Variants in BAIAP2L1 observed in about 807,000 individuals in gnomAD.
The protein encoded by BAIAP2L1 is BAR/IMD domain containing adaptor protein 2 like 1.
Under a neutral mutation model 66.3 loss-of-function variants are expected in BAIAP2L1, and 35 were observed. That is an observed-to-expected ratio of 0.53 (90% confidence interval 0.40 to 0.70). The LOEUF is 0.70. Ranked by LOEUF, BAIAP2L1 falls within the 30% of genes least tolerant of loss-of-function variation. The pLI is 0.00. For missense variants in BAIAP2L1, 622 were observed against 656.9 expected (o/e 0.95, Z 0.58); for synonymous variants, 269 against 248.7 (o/e 1.08, Z -0.77).
chr7:98,293,552 G>T lies in BAIAP2L1; in HGVS notation c.1505C>A (p.Thr502Lys). The T allele has an allele frequency of 6.2e-7, 1 of 1,613,858 alleles. No individual in the cohort carries two copies. The highest frequency in any genetic ancestry group is 2.2e-5 in the East Asian group (1 of 44,878). Reference sequence around the variant, plus strand: ...AATGATGGGTGCCGAGCGATCATTCGTCACAGTCGGGCGGAGTTTCACAGT... The same window carrying T: ...AATGATGGGTGCCGAGCGATCATTCTTCACAGTCGGGCGGAGTTTCACAGT... Reference protein sequence around the residue: ...FATVKLRPTVTNDRSAPIIR With the variant: ...FATVKLRPTVKNDRSAPIIR Residue 502 changes from threonine to lysine, a missense_variant, in exon 14 of 14, where the codon ACG (threonine) becomes AAG (lysine). Physicochemically the swap from Thr to Lys is moderately conservative, Grantham distance 78. Coordinates refer to ENST00000005260, the MANE Select transcript of BAIAP2L1 (RefSeq NM_018842.5).
At chr7:98,315,320 G>T in intron 7 of BAIAP2L1, 140 bp downstream of exon 7, 3 of 674,884 alleles carry the variant, frequency 4.4e-6, no homozygotes, top group Non-Finnish European at 4.3e-6. Flanking sequence ...TAGAGACAGA[G>T]TTTTGCCATG....
intron 1 of BAIAP2L1, among the ~76,000 whole-genome samples, chr7:98,372,166 G>A (rs1383482776): frequency 1.3e-5 from 2 of 151,956 alleles, no homozygotes; most frequent in African/African-American, 4.8e-5. Flanking sequence ...CAGCACTTTG[G>A]GAGGCAAGGC....
At chr7:98,333,148 C>T (rs1157406404) in intron 3 of BAIAP2L1, among the ~76,000 whole-genome samples, 1 of 152,184 alleles carries the variant, frequency 6.6e-6, no homozygotes, top group Non-Finnish European at 1.5e-5. Context: ...CCTTCTATCA[C>T]TCAGTGGCCC....
chr7:98,335,888 T>C (rs1172187809), intron 3 of BAIAP2L1, among the ~76,000 whole-genome samples: 6 of 152,202 alleles, frequency 3.9e-5, no homozygotes, highest in Non-Finnish European at 8.8e-5. Flanking sequence ...GGCCATTTTT[T>C]ATACTGAACC....
intron 3 of BAIAP2L1, among the ~76,000 whole-genome samples, chr7:98,328,330 G>A (rs1341827519): frequency 6.6e-6 from 1 of 152,120 alleles, no homozygotes; most frequent in Non-Finnish European, 1.5e-5. Context: ...CGAAGACGGG[G>A]CAAAGGTCAC....
intron 3 of BAIAP2L1, among the ~76,000 whole-genome samples, chr7:98,339,318 G>T (rs1374871810): frequency 1.3e-5 from 2 of 152,286 alleles, no homozygotes; most frequent in African/African-American, 4.8e-5. Flanking sequence ...TCTATTGGGT[G>T]TGCTGTAGCT....
At chr7:98,350,544 A>G (rs1801977838) in intron 3 of BAIAP2L1, among the ~76,000 whole-genome samples, 1 of 152,190 alleles carries the variant, frequency 6.6e-6, no homozygotes. Flanking sequence ...CTGTAGTCGC[A>G]GCTACTCAGG....
At chr7:98,368,424 C>G (rs944873166) in intron 1 of BAIAP2L1, among the ~76,000 whole-genome samples, 1 of 151,576 alleles carries the variant, frequency 6.6e-6, no homozygotes, top group African/African-American at 2.4e-5. Context: ...ATCTCAAAAA[C>G]AAAACAAAAC....
chr7:98,392,187 A>AC (rs71112151), intron 1 of BAIAP2L1, among the ~76,000 whole-genome samples: 1 of 139,942 alleles, frequency 7.1e-6, no homozygotes, highest in Non-Finnish European at 1.5e-5. Context: ...AAAAAAAAAA[A>AC]GTCTACCTTA....
At chr7:98,299,136 C>T (rs1800310299) in intron 12 of BAIAP2L1, among the ~76,000 whole-genome samples, 1 of 152,168 alleles carries the variant, frequency 6.6e-6, no homozygotes, top group Admixed American at 6.5e-5. Flanking sequence ...CTGCCTCAGC[C>T]TCCCGAGTAG....
intron 1 of BAIAP2L1, among the ~76,000 whole-genome samples, chr7:98,374,461 G>A (rs896487283): frequency 2.6e-5 from 4 of 152,116 alleles, no homozygotes; most frequent in South Asian, 2.1e-4. Context: ...TACCAGCAGC[G>A]AGAGGTGGGG....
chr7:98,293,870 C>A (rs142591357), intron 13 of BAIAP2L1, among the ~76,000 whole-genome samples: 3,617 of 152,344 alleles, frequency 0.024, 55 homozygotes, highest in South Asian at 0.051. Context: ...ACATGGGGGT[C>A]ACTCTGGGGT....
intron 12 of BAIAP2L1, among the ~76,000 whole-genome samples, chr7:98,297,199 C>T (rs956347042): frequency 7.2e-5 from 11 of 152,230 alleles, no homozygotes; most frequent in African/African-American, 1.2e-4. Flanking sequence ...CCCCATCTCC[C>T]GCAAGAATCC....
At chr7:98,343,204 C>T (rs932081553) in intron 3 of BAIAP2L1, among the ~76,000 whole-genome samples, 1 of 150,534 alleles carries the variant, frequency 6.6e-6, no homozygotes, top group African/African-American at 2.4e-5. Context: ...TCGAGACCAG[C>T]CTGGCCAACA....
rs753532181 is a variant in BAIAP2L1 at position 98,400,854 on chromosome 7, G to A, written c.-2C>T. 74 of 1,540,260 alleles carry A rather than the reference G, an allele frequency of 4.8e-5. 5 individuals are homozygous for A. In the South Asian group the frequency reaches 8.5e-4, roughly 18 times the overall value. ...CACCTCCTCGGGCCCCCGGGACATG[G>A]CTGCGGCCGCCGGGCGAGCAAGCGC... On this transcript the variant is annotated 5_prime_UTR_variant, in exon 1 of 14. Coordinates refer to ENST00000005260, the MANE Select transcript of BAIAP2L1 (RefSeq NM_018842.5).
At chr7:98,340,467 T>G (rs1009205378) in intron 3 of BAIAP2L1, among the ~76,000 whole-genome samples, 1 of 151,946 alleles carries the variant, frequency 6.6e-6, no homozygotes, top group African/African-American at 2.4e-5. Flanking sequence ...TTTTGTATAT[T>G]TAGTAGAGAC....
chr7:98,340,495 G>A (rs1352074000), intron 3 of BAIAP2L1, among the ~76,000 whole-genome samples: 1 of 151,872 alleles, frequency 6.6e-6, no homozygotes, highest in Admixed American at 6.6e-5. Context: ...CACTGTGTTA[G>A]CCAGGATGGT....
intron 3 of BAIAP2L1, among the ~76,000 whole-genome samples, chr7:98,351,887 C>T (rs997983343): frequency 2.0e-5 from 3 of 152,100 alleles, no homozygotes; most frequent in Non-Finnish European, 4.4e-5. Flanking sequence ...TCACAGAGGC[C>T]GACCCTCGAG....
rs186843214 is a variant in BAIAP2L1, at chr7:98,294,322, G to A, written c.1423-211C>T. On this transcript the variant is annotated intron_variant, in intron 12 of 13. Transcript: ENST00000005260. ...TTGGAGATTTTTAATAAGACCCGAA[G>A]GTAAAGACATCTAAAACATAAGGGA... Among the ~76,000 whole-genome samples, 71 of 152,236 alleles carry A rather than the reference G, an allele frequency of 4.7e-4. No homozygotes were observed. In the East Asian group the frequency reaches 0.014, roughly 29 times the overall value.
Sources: allele counts gnomAD v4.1 joint callset (sites outside exome capture counted in the v4.1 genomes callset), GRCh38; gene constraint gnomAD v4.1.1; transcripts MANE v1.5; gene names NCBI Gene and HGNC (gene_info 2026-07-23, HGNC 2026-07-21).